DNAH8: variants seen among roughly 807,000 people sequenced by gnomAD.
The protein encoded by DNAH8 is axonemal beta dynein heavy chain 8.
Under a neutral mutation model 562.1 loss-of-function variants are expected in DNAH8, and 382 were observed. The observed-to-expected ratio is 0.68, with a 90% confidence interval of 0.63 to 0.74. The LOEUF (loss-of-function observed/expected upper bound fraction) is 0.74. Ranked by LOEUF, DNAH8 falls within the 30% of genes least tolerant of loss-of-function variation. DNAH8 has a pLI of 0.00. For missense variants in DNAH8, 5,203 were observed against 5,620.4 expected (o/e 0.93, Z 2.37); for synonymous variants, 1,881 against 1,919.4 (o/e 0.98, Z 0.52).
At chr6:38,925,487 C>T (rs1360822307) in intron 73 of DNAH8, among the ~76,000 whole-genome samples, 2 of 151,900 alleles carry the variant, frequency 1.3e-5, no homozygotes, top group African/African-American at 4.8e-5. Flanking sequence ...TGAACCACTG[C>T]GCCTGGCCCG....
rs1467632414 is a variant in DNAH8 at position 38,735,291 on chromosome 6, C to T, written c.762+666C>T. Among the ~76,000 whole-genome samples the T allele has an allele frequency of 2.0e-5, 3 of 152,254 alleles. No individual in the cohort carries two copies. In the East Asian group the frequency reaches 5.8e-4, roughly 29 times the overall value. On this transcript the variant is annotated intron_variant, in intron 5 of 92. Transcript: ENST00000327475. ...TTGTTATTCTTAGAGAGTCTTAATA[C>T]CTTTTACAATGGGAAAGGGAACTGA... is the stretch of plus-strand genomic sequence containing the variant.
At chr6:38,896,976 G>A (rs1183975945) in intron 60 of DNAH8, among the ~76,000 whole-genome samples, 1 of 151,864 alleles carries the variant, frequency 6.6e-6, no homozygotes, top group African/African-American at 2.4e-5. Context: ...TAGTAGAGAC[G>A]AGGTTTCACC....
chr6:38,891,757 A>G (rs1184394204), intron 58 of DNAH8, among the ~76,000 whole-genome samples: 1 of 152,178 alleles, frequency 6.6e-6, no homozygotes, highest in Non-Finnish European at 1.5e-5. Flanking sequence ...TGCTCAATTT[A>G]CTGTGCTTAT....
intron 12 of DNAH8, among the ~76,000 whole-genome samples, chr6:38,771,319 A>T (rs1480767990): frequency 1.3e-5 from 2 of 152,186 alleles, no homozygotes; most frequent in Non-Finnish European, 2.9e-5. Flanking sequence ...AACAGAACCA[A>T]GTTGCTGAGT....
Position 38,931,940 on chromosome 6 carries a change from A to G in DNAH8, c.11404A>G (p.Met3802Val), listed in dbSNP as rs940339061. The change falls in exon 76 of 93, where the codon ATG becomes GTG. Residue 3802 changes from methionine (M) to valine (V), a missense_variant. Physicochemically the swap from Met to Val is conservative, Grantham distance 21 (BLOSUM62 1). Transcript: ENST00000327475. ...KTSVIDFTVT[M>V]KGLENQLLRR... ...GTCAGTCATTGATTTCACTGTTACA[A>G]TGAAAGGACTTGAGAATCAGTTACT... is the stretch of plus-strand genomic sequence containing the variant. 9 of 1,610,318 alleles carry G rather than the reference A, an allele frequency of 5.6e-6. No homozygotes were observed. The Admixed American group carries it at 8.4e-5, about 15-fold the overall frequency.
rs372274227 is a variant in DNAH8, at chr6:38,863,496, C to CACAACA, written c.6311-354_6311-349dup. Among the ~76,000 whole-genome samples the CACAACA allele has an allele frequency of 6.3e-4, 96 of 151,456 alleles. No individual in the cohort carries two copies. The Middle Eastern group carries it at 0.01, about 16-fold the overall frequency. ...AACTCCTGATCTCTAGGTGCTCAGA[C>CACAACA]ACAACAACAACAACAACAACAACAA... On this transcript the variant is annotated intron_variant, in intron 44 of 92. Transcript: ENST00000327475.
intron 88 of DNAH8, among the ~76,000 whole-genome samples, chr6:38,998,940 G>T (rs1765312571): frequency 6.6e-6 from 1 of 152,170 alleles, no homozygotes; most frequent in African/African-American, 2.4e-5. Context: ...GTTATAGCTA[G>T]CTAACTAGGC....
At chr6:38,890,822 C>A in intron 58 of DNAH8, 61 bp downstream of exon 58, 1 of 1,135,434 alleles carries the variant, frequency 8.8e-7, no homozygotes, top group Non-Finnish European at 1.3e-6. Context: ...CTAGATCACA[C>A]CTCGTGGCTC....
In DNAH8 at chr6:38,916,678, A is replaced by G. The variant is rs569951375; in HGVS notation, c.10141-561A>G. On this transcript the variant is annotated intron_variant, in intron 68 of 92. Coordinates refer to ENST00000327475, the MANE Select transcript of DNAH8 (RefSeq NM_001206927.2). ...GATCACCGAACCGAAGGAGTCTTAG[A>G]ACATGTTATTGATCATATGGTCTCC... Among the ~76,000 whole-genome samples the G allele has an allele frequency of 3.9e-5, 6 of 152,336 alleles. No individual in the cohort carries two copies. In the South Asian group the frequency reaches 1.2e-3, roughly 32 times the overall value.
At chr6:38,998,151 T>A (rs546068011) in intron 88 of DNAH8, among the ~76,000 whole-genome samples, 68 of 152,198 alleles carry the variant, frequency 4.5e-4, no homozygotes, top group Non-Finnish European at 7.5e-4. Context: ...ATCCATAAAT[T>A]TGAGAGAAGA....
At chr6:38,804,919 C>T (rs981626740) in intron 22 of DNAH8, among the ~76,000 whole-genome samples, 3 of 88,968 alleles carry the variant, frequency 3.4e-5, no homozygotes, top group Non-Finnish European at 6.9e-5. Context: ...TGGGGGTGGC[C>T]GGGGGGGAGG....
At chr6:38,897,329 A>G (rs1029197116) in intron 60 of DNAH8, among the ~76,000 whole-genome samples, 1 of 152,228 alleles carries the variant, frequency 6.6e-6, no homozygotes, top group African/African-American at 2.4e-5. Context: ...TTGCACTACA[A>G]TGGCAGGGGT....
rs1211553121 is a variant in DNAH8 at position 39,008,843 on chromosome 6, T to C, written c.13244T>C (p.Leu4415Pro). 1 of 1,608,882 alleles carries C rather than the reference T, an allele frequency of 6.2e-7. No individual in the cohort carries two copies. The highest frequency in any genetic ancestry group is 1.1e-5 in the South Asian group (1 of 90,874). The change falls in exon 89 of 93, where the codon CTT becomes CCT. Residue 4415 changes from leucine (L) to proline (P), a missense_variant. Leu to Pro is a moderately conservative substitution (Grantham distance 98, BLOSUM62 -3). Around this residue, in one of 6 missense-constraint regions of DNAH8, gnomAD observed 1,399 missense variants for 1,518.4 expected, o/e 0.92. Transcript: ENST00000327475. Reference protein sequence around the residue: ...TYQSNTASAVLETITNIQPKE... With the variant: ...TYQSNTASAVPETITNIQPKE... ...CAGAGTAACACTGCTTCTGCTGTTC[T>C]TGAAACAATTACCAACATTCAACCC...
chr6:38,790,486 A>T (rs1465442198), intron 20 of DNAH8, 81 bp downstream of exon 20: 1 of 692,748 alleles, frequency 1.4e-6, no homozygotes, highest in Non-Finnish European at 2.4e-6. Context: ...AAAGCTCTTT[A>T]AAGGGTATGA....
chr6:38,765,908 T>C (rs996304281), intron 11 of DNAH8, among the ~76,000 whole-genome samples: 5 of 152,124 alleles, frequency 3.3e-5, no homozygotes, highest in Non-Finnish European at 7.4e-5. Flanking sequence ...AGTATAGAGG[T>C]TCCCCCCAAT....
chr6:38,808,539 T>C (rs886772602), intron 24 of DNAH8, among the ~76,000 whole-genome samples: 3 of 152,172 alleles, frequency 2.0e-5, no homozygotes, highest in Non-Finnish European at 4.4e-5. Context: ...TGGCGATTCC[T>C]CAAGGATCTA....
chr6:38,849,997 A>G (rs1447417480), intron 37 of DNAH8, among the ~76,000 whole-genome samples: 1 of 152,190 alleles, frequency 6.6e-6, no homozygotes, highest in Non-Finnish European at 1.5e-5. Context: ...ACTTTGAAAA[A>G]CATGTTAAAT....
Position 38,885,893 on chromosome 6 carries a change from C to G in DNAH8, c.8260-898C>G, listed in dbSNP as rs986491050. 4.6e-5 allele frequency among the ~76,000 whole-genome samples: 7 copies of G among 152,192 alleles called. No individual in the cohort carries two copies. In the East Asian group the frequency reaches 5.8e-4, roughly 13 times the overall value. The stretch of plus-strand genomic sequence containing the variant: ...CAACATGCATCTGTACATCTTGTCT[C>G]TCACCACTAGAATGTGTGCTTCATG... On this transcript the variant is annotated intron_variant, in intron 56 of 92. Transcript: ENST00000327475.
chr6:38,796,789 C>T (rs906543867), intron 21 of DNAH8, among the ~76,000 whole-genome samples: 4 of 151,926 alleles, frequency 2.6e-5, no homozygotes, highest in Non-Finnish European at 4.4e-5. Flanking sequence ...TCGGGGAGCT[C>T]GGTTTTTGGA....
Sources: gnomAD v4.1 joint callset for allele counts (sites outside exome capture counted in the v4.1 genomes callset) on GRCh38, gnomAD v4.1.1 for gene constraint, gnomAD v4.1.1 regional missense constraint, MANE v1.5 for transcripts, NCBI Gene and HGNC (gene_info 2026-07-23, HGNC 2026-07-21) for gene names.